Variants in PDE3A observed in about 807,000 individuals in gnomAD.
PDE3A encodes cGMP-inhibited 3',5'-cyclic phosphodiesterase 3A.
In PDE3A, 43 loss-of-function variants were observed where a neutral mutation model predicts 98.3. The observed-to-expected ratio is 0.44, with a 90% CI of 0.34 to 0.56. The LOEUF is 0.56. PDE3A is among the 20% of genes least tolerant of loss of function. The probability of loss-of-function intolerance (pLI) is 0.01; values close to 1 mark genes in which losing one functional copy is unlikely to be tolerated. For synonymous variants in PDE3A, 663 were observed against 567.9 expected, an observed-to-expected ratio of 1.17 and a Z score of -2.38; for missense variants, 1,427 against 1,440.7, an observed-to-expected ratio of 0.99 and a Z score of 0.15.
chr12:20,678,809 C>T (rs1945700088), intron 15 of PDE3A, among the ~76,000 whole-genome samples: 1 of 152,180 alleles, frequency 6.6e-6, no homozygotes, highest in African/African-American at 2.4e-5. Context: ...CACACACACC[C>T]ATTGGCCAGT....
chr12:20,574,138 A>C (rs1942871368), intron 2 of PDE3A, among the ~76,000 whole-genome samples: 1 of 152,128 alleles, frequency 6.6e-6, no homozygotes, highest in Non-Finnish European at 1.5e-5. Flanking sequence ...ATTACCTCTG[A>C]ATATGAACTT....
chr12:20,395,424 A>C (rs1461387970), intron 1 of PDE3A, among the ~76,000 whole-genome samples: 1 of 150,816 alleles, frequency 6.6e-6, no homozygotes, highest in Non-Finnish European at 1.5e-5. Flanking sequence ...ATTTCTTTAC[A>C]GTTTAATGAA....
intron 15 of PDE3A, among the ~76,000 whole-genome samples, chr12:20,663,213 G>C (rs769923935): frequency 1.3e-5 from 2 of 152,202 alleles, no homozygotes; most frequent in Non-Finnish European, 2.9e-5. Flanking sequence ...GGATGTCCTG[G>C]CAGAAGTTTG....
intron 2 of PDE3A, among the ~76,000 whole-genome samples, chr12:20,610,974 A>G (rs1049468183): frequency 6.6e-6 from 1 of 152,050 alleles, no homozygotes; most frequent in Non-Finnish European, 1.5e-5. Context: ...AGGGTATCTA[A>G]TGTACATGAG....
At chr12:20,440,617 C>T (rs1944855209) in intron 1 of PDE3A, among the ~76,000 whole-genome samples, 1 of 152,142 alleles carries the variant, frequency 6.6e-6, no homozygotes, top group Non-Finnish European at 1.5e-5. Context: ...TTGTTTACTA[C>T]AGCCTGGACA....
intron 1 of PDE3A, among the ~76,000 whole-genome samples, chr12:20,486,098 C>T (rs1275400917): frequency 6.6e-6 from 1 of 152,078 alleles, no homozygotes; most frequent in Non-Finnish European, 1.5e-5. Flanking sequence ...AATATATTGC[C>T]TTGACATTTA....
At chr12:20,421,715 G>A (rs1055752229) in intron 1 of PDE3A, among the ~76,000 whole-genome samples, 6 of 152,024 alleles carry the variant, frequency 3.9e-5, no homozygotes, top group South Asian at 2.1e-4. Context: ...TTTTGTGGCC[G>A]GGCCAGAGCA....
chr12:20,431,648 T>C (rs1944701424), intron 1 of PDE3A, among the ~76,000 whole-genome samples: 1 of 146,628 alleles, frequency 6.8e-6, no homozygotes, highest in African/African-American at 2.5e-5. Context: ...CACAAATGCA[T>C]GCACACATTC....
intron 1 of PDE3A, among the ~76,000 whole-genome samples, chr12:20,425,810 T>C (rs1414550806): frequency 6.6e-6 from 1 of 152,182 alleles, no homozygotes; most frequent in African/African-American, 2.4e-5. Context: ...AGCGGCAGAA[T>C]ATGATGATTA....
At chr12:20,468,972 T>C (rs1298979095) in intron 1 of PDE3A, among the ~76,000 whole-genome samples, 1 of 152,204 alleles carries the variant, frequency 6.6e-6, no homozygotes, top group Non-Finnish European at 1.5e-5. Context: ...GTGGTCTAAT[T>C]ATCTGAGCCC....
At chr12:20,457,922 A>G (rs1018871588) in intron 1 of PDE3A, among the ~76,000 whole-genome samples, 2 of 152,078 alleles carry the variant, frequency 1.3e-5, no homozygotes, top group Non-Finnish European at 2.9e-5. Context: ...AGTTTTCACA[A>G]TGTTATTTAT....
intron 1 of PDE3A, among the ~76,000 whole-genome samples, chr12:20,514,372 A>G (rs1314476340): frequency 6.6e-6 from 1 of 152,234 alleles, no homozygotes; most frequent in African/African-American, 2.4e-5. Flanking sequence ...TAAATTCTGT[A>G]AATGTCATTG....
chr12:20,497,506 CAT>C lies in PDE3A; in HGVS notation c.961-59152_961-59151del, dbSNP rs1709869838. Among the ~76,000 whole-genome samples the C allele has an allele frequency of 4.7e-5, 7 of 149,824 alleles. 1 individual carries two copies. The highest frequency in any genetic ancestry group is 1.5e-4 in the African/African-American group (6 of 40,872). ...ACGTGATTTTAAAGTTTTTAAAAAA[CAT>C]AGGTTCTACAAATTGTGCCCTAAAA... On this transcript the variant is annotated intron_variant, in intron 1 of 15. Coordinates refer to ENST00000359062, the MANE Select transcript of PDE3A (RefSeq NM_000921.5).
At chr12:20,378,043 G>C (rs1225504116) in intron 1 of PDE3A, among the ~76,000 whole-genome samples, 5 of 151,720 alleles carry the variant, frequency 3.3e-5, no homozygotes, top group African/African-American at 1.2e-4. Flanking sequence ...GATGAAAATT[G>C]TAACAGTGTC....
intron 2 of PDE3A, among the ~76,000 whole-genome samples, chr12:20,599,969 A>G (rs953745264): frequency 1.1e-4 from 17 of 152,136 alleles, no homozygotes; most frequent in African/African-American, 3.9e-4. Flanking sequence ...TCTCTCAAAC[A>G]CTGATCCACT....
At chr12:20,605,786 C>CCTAT (rs1441547612) in intron 2 of PDE3A, among the ~76,000 whole-genome samples, 11 of 152,276 alleles carry the variant, frequency 7.2e-5, no homozygotes, top group East Asian at 3.9e-4. Context: ...GCATTTGTAA[C>CCTAT]CTATCTTCAA....
intron 13 of PDE3A, among the ~76,000 whole-genome samples, chr12:20,649,807 T>G (rs2121517461): frequency 6.6e-6 from 1 of 152,082 alleles, no homozygotes; most frequent in East Asian, 1.9e-4. Context: ...ACCCCTGTAG[T>G]CCTACCTACT....
At chr12:20,533,886 T>G (rs1470624945) in intron 1 of PDE3A, among the ~76,000 whole-genome samples, 1 of 152,170 alleles carries the variant, frequency 6.6e-6, no homozygotes, top group Non-Finnish European at 1.5e-5. Context: ...AGCCTGCCTT[T>G]CAAAATTACA....
At chr12:20,600,966 G>A (rs1160431736) in intron 2 of PDE3A, among the ~76,000 whole-genome samples, 1 of 152,146 alleles carries the variant, frequency 6.6e-6, no homozygotes, top group Non-Finnish European at 1.5e-5. Flanking sequence ...TTGAAGGTTT[G>A]GAGTATGTTA....
Sources: allele counts gnomAD v4.1 joint callset (sites outside exome capture counted in the v4.1 genomes callset), GRCh38; gene constraint gnomAD v4.1.1; transcripts MANE v1.5; gene names NCBI Gene and HGNC (gene_info 2026-07-23, HGNC 2026-07-21).